The following PSMA1 variants were observed in gnomAD, a reference collection of about 807,000 sequenced individuals.
PSMA1 encodes the protein proteasome subunit alpha type-1.
In PSMA1, 3 loss-of-function variants were observed where a neutral mutation model predicts 38.4. The observed-to-expected ratio is 0.08, with a 90% CI of 0.04 to 0.20. The LOEUF (loss-of-function observed/expected upper bound fraction) is 0.20, where lower values mean the gene tolerates loss of function less well. Among genes scored for constraint, PSMA1 ranks in the 10% least tolerant of loss-of-function variants. The pLI is 1.00. For synonymous variants in PSMA1, 101 were observed against 107.1 expected (o/e 0.94, Z 0.35); for missense variants, 227 against 325.3 (o/e 0.70, Z 2.32).
chr11:14,581,836 C>T (rs1852285326), intron 2 of PSMA1, among the ~76,000 whole-genome samples: 1 of 152,186 alleles, frequency 6.6e-6, no homozygotes, highest in Non-Finnish European at 1.5e-5. Context: ...ATTTTATTCG[C>T]AGGCAGTTTC....
intron 2 of PSMA1, among the ~76,000 whole-genome samples, chr11:14,588,797 C>T (rs1013408666): frequency 1.3e-5 from 2 of 152,194 alleles, no homozygotes; most frequent in Non-Finnish European, 2.9e-5. Flanking sequence ...TCTCAGACTT[C>T]ATCTGTATGC....
At chr11:14,522,197 A>G (rs1851538390), upstream of PSMA1, among the ~76,000 whole-genome samples, 1 of 152,216 alleles carries the variant, frequency 6.6e-6, no homozygotes, top group Admixed American at 6.5e-5. Context: ...TCATATGTCC[A>G]TAAGTAATGG....
At chr11:14,602,650 C>T (rs1019816064) in intron 2 of PSMA1, among the ~76,000 whole-genome samples, 5 of 151,694 alleles carry the variant, frequency 3.3e-5, no homozygotes, top group South Asian at 2.1e-4. Context: ...TGGCTGTTGG[C>T]GGTGATAAAG....
chr11:14,598,982 C>T (rs1217385295), intron 2 of PSMA1, among the ~76,000 whole-genome samples: 1 of 152,006 alleles, frequency 6.6e-6, no homozygotes, highest in Non-Finnish European at 1.5e-5. Flanking sequence ...GATCTTATTT[C>T]TCCTTCACTT....
intron 2 of PSMA1, among the ~76,000 whole-genome samples, chr11:14,592,968 C>G (rs778022599): frequency 2.6e-4 from 39 of 152,108 alleles, no homozygotes; most frequent in Non-Finnish European, 4.1e-4. Context: ...TGAAATTATT[C>G]TATTTATTTA....
intron 8 of PSMA1, among the ~76,000 whole-genome samples, chr11:14,510,601 T>A (rs757701181): frequency 2.0e-5 from 3 of 152,198 alleles, no homozygotes; most frequent in Non-Finnish European, 4.4e-5. Flanking sequence ...ATATATATAT[T>A]TTTGTTAACT....
chr11:14,620,057 T>C (rs1329092290), intron 1 of PSMA1, among the ~76,000 whole-genome samples: 2 of 151,906 alleles, frequency 1.3e-5, no homozygotes, highest in Admixed American at 1.3e-4. Context: ...TAAACACTCG[T>C]GTGTGTGTGC....
intron 1 of PSMA1, among the ~76,000 whole-genome samples, chr11:14,629,246 C>T (rs1013081098): frequency 5.9e-5 from 9 of 151,876 alleles, no homozygotes; most frequent in Non-Finnish European, 1.3e-4. Context: ...CTTGCCCATG[C>T]CTATGTCCTG....
intron 2 of PSMA1, among the ~76,000 whole-genome samples, chr11:14,556,916 G>A (rs999075687): frequency 3.3e-5 from 5 of 152,092 alleles, no homozygotes; most frequent in South Asian, 2.1e-4. Context: ...GCTCACTGTC[G>A]CCTCCAACTC....
Position 14,508,561 on chromosome 11 carries a change from C to CAAAAAAAAAAAAAAAAAAAAAA in PSMA1, c.625-796_625-795insTTTTTTTTTTTTTTTTTTTTTT, listed in dbSNP as rs60499933. 5.7e-3 allele frequency among the ~76,000 whole-genome samples: 269 copies of CAAAAAAAAAAAAAAAAAAAAAA among 47,104 alleles called. 68 individuals carry two copies. The highest frequency in any genetic ancestry group is 0.059 in the Middle Eastern group (2 of 34). 30.9% of individuals were successfully genotyped at this position (47,104 alleles called of 152,430 possible). Reference sequence around the variant, plus strand: ...TCCTCTTCCAGTCACCACTCCATCTCAAAAAAAAAAAAAAAACCCAGATTG... The same window carrying CAAAAAAAAAAAAAAAAAAAAAA: ...TCCTCTTCCAGTCACCACTCCATCTCAAAAAAAAAAAAAAAAAAAAAAAAAAAAAAAAAAAAAACCCAGATTG... On this transcript the variant is annotated intron_variant, in intron 8 of 9. Coordinates refer to ENST00000396394, the MANE Select transcript of PSMA1 (RefSeq NM_002786.4).
intron 2 of PSMA1, among the ~76,000 whole-genome samples, chr11:14,550,497 G>A (rs776509618): frequency 2.0e-5 from 3 of 152,070 alleles, no homozygotes; most frequent in Non-Finnish European, 4.4e-5. Flanking sequence ...CCAGTTGCCT[G>A]GTATTTTTTC....
chr11:14,553,628 A>C (rs1375768456), intron 2 of PSMA1, among the ~76,000 whole-genome samples: 1 of 151,950 alleles, frequency 6.6e-6, no homozygotes, highest in Non-Finnish European at 1.5e-5. Flanking sequence ...TGAGACTCAT[A>C]CAAATTGTTG....
chr11:14,516,706 A>C (rs1431383116), intron 4 of PSMA1, among the ~76,000 whole-genome samples: 1 of 152,152 alleles, frequency 6.6e-6, no homozygotes, highest in Non-Finnish European at 1.5e-5. Context: ...TGGGCAGATT[A>C]CCTGAGGTCA....
chr11:14,509,788 A>G (rs1478252323), intron 8 of PSMA1, among the ~76,000 whole-genome samples: 1 of 150,270 alleles, frequency 6.7e-6, no homozygotes, highest in African/African-American at 2.5e-5. Flanking sequence ...CAGTGGCGCA[A>G]TCTCAGCTCA....
chr11:14,513,179 A>G (rs1851372134), intron 7 of PSMA1, among the ~76,000 whole-genome samples: 1 of 152,190 alleles, frequency 6.6e-6, no homozygotes, highest in South Asian at 2.1e-4. Context: ...TTTATGGACT[A>G]CTAATGCAGA....
At chr11:14,636,478 T>C (rs979404792) in intron 1 of PSMA1, among the ~76,000 whole-genome samples, 4 of 152,140 alleles carry the variant, frequency 2.6e-5, no homozygotes, top group Non-Finnish European at 4.4e-5. Flanking sequence ...TATTCCTGAG[T>C]TCAAAAACAA....
intron 1 of PSMA1, among the ~76,000 whole-genome samples, chr11:14,632,808 C>G (rs1394371796): frequency 1.4e-4 from 22 of 151,980 alleles, no homozygotes; most frequent in Admixed American, 1.1e-3. Context: ...GTACACCAAT[C>G]AGACGTAGAT....
chr11:14,532,899 A>AG (rs1474735898), intron 2 of PSMA1, among the ~76,000 whole-genome samples: 1 of 151,136 alleles, frequency 6.6e-6, no homozygotes, highest in Non-Finnish European at 1.5e-5. Flanking sequence ...CTCAAAAAAA[A>AG]AAATTTAAAA....
intron 1 of PSMA1, among the ~76,000 whole-genome samples, chr11:14,639,069 T>C (rs957374079): frequency 1.2e-4 from 19 of 152,206 alleles, no homozygotes; most frequent in Non-Finnish European, 5.9e-5. Flanking sequence ...ATACAATTGT[T>C]GCTCTGAAAA....
Sources: gnomAD v4.1 joint callset for allele counts (sites outside exome capture counted in the v4.1 genomes callset) on GRCh38, gnomAD v4.1.1 for gene constraint, MANE v1.5 for transcripts, NCBI Gene and HGNC (gene_info 2026-07-23, HGNC 2026-07-21) for gene names.